The following FADS6 variants were observed in gnomAD, a reference collection of about 807,000 sequenced individuals.
FADS6 encodes fatty acid desaturase 6.
A neutral mutation model predicts 31.7 loss-of-function variants in FADS6; 28 were observed. The observed-to-expected ratio is 0.88, with a 90% CI of 0.66 to 1.21. The LOEUF (loss-of-function observed/expected upper bound fraction) is 1.21, where lower values mean the gene tolerates loss of function less well. FADS6 is among the 50% of genes most tolerant of loss of function. FADS6 has a pLI of 0.00. For synonymous variants in FADS6, 191 were observed against 213.1 expected (o/e 0.90, Z 0.90); for missense variants, 494 against 504.2 (o/e 0.98, Z 0.19).
rs1313770754 is a variant in FADS6, at chr17:74,882,557, G to A, written c.565C>T (p.Pro189Ser). 18 of 1,611,636 alleles carry A rather than the reference G, an allele frequency of 1.1e-5. No individual in the cohort carries two copies. Among genetic ancestry groups the A allele is most frequent in the Non-Finnish European group, 1.5e-5 (18 of 1,178,996 alleles). Reference sequence around the variant, plus strand: ...ACAGCCACCAGTGGAGTGGCGATGGGGAGGAGGAAAGGAGCAAGGAACATG... The same window carrying A: ...ACAGCCACCAGTGGAGTGGCGATGGAGAGGAGGAAAGGAGCAAGGAACATG... ...VYMFLAPFLLPIATPLVAVER... is the reference protein window; with the variant it reads ...VYMFLAPFLLSIATPLVAVER... The change falls in exon 3 of 6, where the codon CCC (proline) becomes TCC (serine). Residue 189 changes from proline (P) to serine (S), a missense_variant. Physicochemically the swap from Pro to Ser is moderately conservative, Grantham distance 74 (BLOSUM62 -1). Around this residue, in one of 2 missense-constraint regions of FADS6, gnomAD observed 454 missense variants for 438.5 expected, o/e 1.04. Transcript: ENST00000612771.
At chr17:74,890,865 G>A (rs1247813083) in intron 2 of FADS6, among the ~76,000 whole-genome samples, 1 of 152,144 alleles carries the variant, frequency 6.6e-6, no homozygotes, top group African/African-American at 2.4e-5. Context: ...GCTATGGTGT[G>A]GGTGTAACAC....
At chr17:74,876,335 C>G (rs932382353), downstream of FADS6, among the ~76,000 whole-genome samples, 3 of 152,184 alleles carry the variant, frequency 2.0e-5, no homozygotes, top group East Asian at 5.8e-4. Context: ...ATTACACGCT[C>G]AGAGAATGAC....
At chr17:74,887,359 C>G (rs902628202) in intron 2 of FADS6, among the ~76,000 whole-genome samples, 5 of 152,170 alleles carry the variant, frequency 3.3e-5, no homozygotes, top group African/African-American at 9.7e-5. Flanking sequence ...TGGTGGGAAC[C>G]ACTGGGCCTG....
chr17:74,887,897 A>ATCC (rs1443587884), intron 2 of FADS6, among the ~76,000 whole-genome samples: 1 of 152,142 alleles, frequency 6.6e-6, no homozygotes, highest in Non-Finnish European at 1.5e-5. Flanking sequence ...CATGTTGGCC[A>ATCC]GGATGGTCTC....
intron 3 of FADS6, among the ~76,000 whole-genome samples, chr17:74,881,465 C>T (rs1043620098): frequency 2.6e-5 from 4 of 152,126 alleles, no homozygotes; most frequent in South Asian, 2.1e-4. Context: ...TGGGAGGCCA[C>T]GGCAAGCAGA....
Position 74,879,520 on chromosome 17 carries a change from C to T in FADS6, c.844G>A (p.Gly282Arg), listed in dbSNP as rs2038544651. The change falls in exon 5 of 6, where the codon GGG (glycine) becomes AGG (arginine). Residue 282 changes from glycine to arginine, a missense_variant. This residue lies in a region of FADS6 where 454 missense variants were observed against 438.5 expected (regional missense o/e 1.04). Transcript: ENST00000612771. ...GGCAGCCGGGCCAGGTTAAGCACCC[C>T]CAGGCTCATCATGTGAATCCGACGG... Reference protein sequence around the residue: ...KPRRIHMMSLGVLNLARLPVL... With the variant: ...KPRRIHMMSLRVLNLARLPVL... 1 of 1,613,680 alleles carries T rather than the reference C, an allele frequency of 6.2e-7. No individual in the cohort carries two copies. Among genetic ancestry groups the T allele is most frequent in the African/African-American group, 1.3e-5 (1 of 74,904 alleles).
At chr17:74,880,941 G>A in intron 4 of FADS6, 127 bp downstream of exon 4, 5 of 986,022 alleles carry the variant, frequency 5.1e-6, no homozygotes, top group Non-Finnish European at 7.4e-6. Flanking sequence ...TGTGATGAGA[G>A]CGAGAGGGAG....
chr17:74,888,157 C>CGT (rs1555625289), intron 2 of FADS6, among the ~76,000 whole-genome samples: 4 of 108,906 alleles, frequency 3.7e-5, no homozygotes, highest in Non-Finnish European at 5.0e-5. Context: ...CACACACACG[C>CGT]GCGCGCGCGC....
chr17:74,885,294 GAAAACCAC>G (rs2038611264), intron 2 of FADS6, among the ~76,000 whole-genome samples: 2 of 67,460 alleles, frequency 3.0e-5, no homozygotes, highest in Admixed American at 3.2e-4. Flanking sequence ...ATTTTTTTAA[GAAAACCAC>G]AAAAAAAAAA....
intron 2 of FADS6, among the ~76,000 whole-genome samples, chr17:74,888,074 A>T (rs1383276636): frequency 1.3e-5 from 2 of 151,232 alleles, no homozygotes; most frequent in African/African-American, 4.9e-5. Context: ...GGTCTTATTC[A>T]CAGTTATGTC....
chr17:74,892,392 C>T, intron 2 of FADS6, 131 bp downstream of exon 2: 1 of 1,133,328 alleles, frequency 8.8e-7, no homozygotes, highest in Non-Finnish European at 1.2e-6. Context: ...AGTGGACCGG[C>T]ATACCATCAG....
At chr17:74,881,732 G>GA (rs35456871) in intron 3 of FADS6, among the ~76,000 whole-genome samples, 43,021 of 111,764 alleles carry the variant, frequency 0.38, 8,754 homozygotes, top group Non-Finnish European at 0.49. Flanking sequence ...GCAAGACTCT[G>GA]AAAAAAAAAA....
In FADS6 at chr17:74,891,464, C is replaced by A. The variant is rs140628978; in HGVS notation, c.411+1059G>T. On this transcript the variant is annotated intron_variant, in intron 2 of 5. Transcript: ENST00000612771. ...GCCTCTCTGTGGATTACAAACTTGG[C>A]GGGCAGCTGACCCAGACTCCAGAGC... Among the ~76,000 whole-genome samples, 343 of 152,200 alleles carry A rather than the reference C, an allele frequency of 2.3e-3. 2 individuals are homozygous for A. Among genetic ancestry groups the A allele is most frequent in the African/African-American group, 7.7e-3 (319 of 41,520 alleles).
rs561886405 is a variant in FADS6, at chr17:74,893,517, G to A, written c.79C>T (p.Pro27Ser). ...EPMEPTEPMEPTEPMEPARSA... is the reference protein window; with the variant it reads ...EPMEPTEPMESTEPMEPARSA... ...CGCGCCGGTTCCATGGGCTCCGTAG[G>A]TTCCATGGGCTCCGTAGGTTCCATG... is the stretch of plus-strand genomic sequence containing the variant. Residue 27 changes from proline (P) to serine (S), a missense_variant, in exon 1 of 6, where the codon CCT (proline) becomes TCT (serine). Pro to Ser is a moderately conservative substitution (Grantham distance 74). This residue lies in a region of FADS6 where 40 missense variants were observed against 65.7 expected (regional missense o/e 0.61). Transcript: ENST00000612771. 17 of 1,578,398 alleles carry A rather than the reference G, an allele frequency of 1.1e-5. No individual in the cohort carries two copies. The East Asian group carries it at 3.8e-4, about 35-fold the overall frequency.
intron 1 of FADS6, 60 bp downstream of exon 1, chr17:74,893,292 C>G: frequency 6.9e-7 from 1 of 1,453,828 alleles, no homozygotes; most frequent in Non-Finnish European, 9.0e-7. Flanking sequence ...GCCGCCACCT[C>G]CGCCGCACCC....
chr17:74,892,710 A>G (rs1464920607), intron 1 of FADS6, 21 bp from the exon 2 acceptor site: 1 of 1,599,554 alleles, frequency 6.3e-7, no homozygotes. Context: ...AGGAGGAAGA[A>G]GACGGGTCTT....
At chr17:74,875,058 C>T (rs570718881), downstream of FADS6, among the ~76,000 whole-genome samples, 2 of 152,278 alleles carry the variant, frequency 1.3e-5, no homozygotes, top group South Asian at 4.1e-4. Flanking sequence ...TTCGTACAAT[C>T]GAAAAAGTTC....
chr17:74,879,330 C>A, intron 5 of FADS6, 74 bp downstream of exon 5: 1 of 1,550,222 alleles, frequency 6.5e-7, no homozygotes, highest in South Asian at 1.2e-5. Flanking sequence ...GCAACGCCCC[C>A]AGGCCGAAGA....
chr17:74,888,146 A>G (rs140030346), intron 2 of FADS6, among the ~76,000 whole-genome samples: 45,808 of 112,694 alleles, frequency 0.41, 8,338 homozygotes, highest in South Asian at 0.51. Context: ...ACACACACAC[A>G]CACACACACG....
Sources: allele counts gnomAD v4.1 joint callset (sites outside exome capture counted in the v4.1 genomes callset), GRCh38; gene constraint gnomAD v4.1.1; regional missense constraint gnomAD v4.1.1; transcripts MANE v1.5; gene names NCBI Gene and HGNC (gene_info 2026-07-23, HGNC 2026-07-21).